Variants in PHKA1 observed in about 807,000 individuals in gnomAD.
PHKA1 encodes the protein phosphorylase kinase regulatory subunit alpha 1.
PHKA1 carries 60 observed loss-of-function variants against 110.2 expected under a neutral mutation model. That is an observed-to-expected ratio of 0.54 (90% confidence interval 0.44 to 0.68). The LOEUF (loss-of-function observed/expected upper bound fraction) is 0.68. PHKA1 is among the 30% of genes least tolerant of loss of function. The pLI, the probability that PHKA1 is intolerant of heterozygous loss-of-function variation, is 0.00. For synonymous variants in PHKA1, 316 were observed against 333.6 expected (o/e 0.95, Z 0.58); for missense variants, 801 against 942.5 (o/e 0.85, Z 1.97).
chrX:72,635,335 ACT>A (rs1556291032), intron 15 of PHKA1, 36 bp from the exon 16 acceptor site: 7 of 1,134,610 alleles, frequency 6.2e-6, no homozygotes, highest in Admixed American at 4.4e-5. Flanking sequence ...AGATTAATTT[ACT>A]CTCACAATTA....
At chrX:72,610,686 A>G (rs1556258967) in intron 22 of PHKA1, among the ~76,000 whole-genome samples, 1 of 111,341 alleles carries the variant, frequency 9.0e-6, no homozygotes, top group East Asian at 2.8e-4. Context: ...TAGTTTTTTG[A>G]TGAACCTCCA....
chrX:72,688,946 T>A (rs1464965972), intron 4 of PHKA1: 1 of 111,955 alleles, frequency 8.9e-6, no homozygotes, highest in Admixed American at 9.5e-5. Context: ...GGAGGACCTC[T>A]GGATCCTGTG....
intron 29 of PHKA1, among the ~76,000 whole-genome samples, chrX:72,586,262 T>A (rs1556212982): frequency 8.9e-6 from 1 of 112,189 alleles, no homozygotes; most frequent in Non-Finnish European, 1.9e-5. Flanking sequence ...TTCTGCAGCC[T>A]CTGCTGGTGA....
At chrX:72,644,675 A>G (rs1158793244) in intron 13 of PHKA1, among the ~76,000 whole-genome samples, 179 bp from the exon 14 acceptor site, 3 of 112,395 alleles carry the variant, frequency 2.7e-5, no homozygotes, top group African/African-American at 9.7e-5. Flanking sequence ...TAAAAGGAAA[A>G]GGAAAATGAA....
intron 23 of PHKA1, among the ~76,000 whole-genome samples, chrX:72,606,018 G>A (rs1603254296): frequency 9.0e-6 from 1 of 111,677 alleles, no homozygotes; most frequent in East Asian, 2.8e-4. Context: ...ATATTTACAG[G>A]GTACATGTGA....
At chrX:72,629,023 T>C (rs1020265345) in intron 16 of PHKA1, among the ~76,000 whole-genome samples, 2 of 112,082 alleles carry the variant, frequency 1.8e-5, no homozygotes, top group South Asian at 7.4e-4. Flanking sequence ...TTAAATTTTG[T>C]CTCTATTTGA....
In PHKA1 at chrX:72,581,045, T is replaced by C; in HGVS notation, c.3629A>G (p.Tyr1210Cys). 1.7e-6 allele frequency: 2 copies of C among 1,211,233 alleles called. No individual in the cohort carries two copies. The highest frequency in any genetic ancestry group is 2.2e-6 in the Non-Finnish European group (2 of 895,059). ...GCTGTGGGGCAGGAACTCCTGCACG[T>C]AGGTGGCGGCTGCCTTGGAGAGGTA... ...MTYLSKAAAT[Y>C]VQEFLPHSIC... Residue 1210 changes from tyrosine (Y) to cysteine (C), a missense_variant, in exon 32 of 32, where the codon TAC (tyrosine) becomes TGC (cysteine). By Grantham distance (194) the Tyr-to-Cys change is radical. Transcript: ENST00000373542.
intron 14 of PHKA1, among the ~76,000 whole-genome samples, chrX:72,639,317 C>G (rs1556293750): frequency 9.0e-6 from 1 of 111,412 alleles, no homozygotes; most frequent in African/African-American, 3.3e-5. Context: ...GTGGGCAGAT[C>G]ACAAGGTCAG....
intron 4 of PHKA1, among the ~76,000 whole-genome samples, chrX:72,690,606 C>T (rs1373171073): frequency 8.9e-6 from 1 of 111,793 alleles, no homozygotes; most frequent in Non-Finnish European, 1.9e-5. Context: ...CAGCCTTGCT[C>T]TTGGACTTCC....
intron 17 of PHKA1, among the ~76,000 whole-genome samples, chrX:72,625,728 C>G (rs1556282346): frequency 8.9e-6 from 1 of 111,936 alleles, no homozygotes; most frequent in Non-Finnish European, 1.9e-5. Flanking sequence ...TGCAGTGGCA[C>G]AATCCTGGCT....
In PHKA1 at chrX:72,626,962, G is replaced by A; in HGVS notation, c.1793+9C>T. On this transcript the variant is annotated intron_variant, in intron 17 of 31. Transcript: ENST00000373542. ...TCATTTCACTAAAGAGTGTATAGAG[G>A]TCACTTACCTTGCCCCACCAAAATA... is the stretch of plus-strand genomic sequence containing the variant. 4.2e-6 allele frequency: 5 copies of A among 1,178,808 alleles called. No homozygotes were observed. Among genetic ancestry groups the A allele is most frequent in the Non-Finnish European group, 4.6e-6 (4 of 865,676 alleles).
intron 16 of PHKA1, among the ~76,000 whole-genome samples, 192 bp downstream of exon 16, chrX:72,634,963 A>G (rs978592005): frequency 2.7e-5 from 3 of 112,354 alleles, no homozygotes; most frequent in South Asian, 3.7e-4. Context: ...GAGAACGGAA[A>G]CCTCATCTGC....
chrX:72,627,191 T>C (rs2053087998), intron 16 of PHKA1, 142 bp from the exon 17 acceptor site: 1 of 505,866 alleles, frequency 2.0e-6, no homozygotes, highest in Admixed American at 2.7e-5. Flanking sequence ...ATTTTAACAA[T>C]TCATCTGAGA....
At chrX:72,605,055 G>T (rs2052708742) in intron 25 of PHKA1, among the ~76,000 whole-genome samples, 1 of 111,815 alleles carries the variant, frequency 8.9e-6, no homozygotes, top group Non-Finnish European at 1.9e-5. Flanking sequence ...GAGCCCACAG[G>T]AGATGGCATT....
At chrX:72,606,703 TTG>T (rs1446548887) in intron 23 of PHKA1, among the ~76,000 whole-genome samples, 1 of 111,396 alleles carries the variant, frequency 9.0e-6, no homozygotes, top group African/African-American at 3.3e-5. Context: ...CATTTATCTT[TTG>T]TGTTACAAAC....
intron 6 of PHKA1, among the ~76,000 whole-genome samples, chrX:72,670,523 C>G: frequency 8.9e-6 from 1 of 111,939 alleles, no homozygotes; most frequent in Non-Finnish European, 1.9e-5. Context: ...GGAGCTGGTA[C>G]CATTCCTTCT....
At chrX:72,713,123 A>G (rs1334222000) in intron 1 of PHKA1, among the ~76,000 whole-genome samples, 186 bp from the exon 2 acceptor site, 3 of 112,053 alleles carry the variant, frequency 2.7e-5, no homozygotes, top group Non-Finnish European at 5.6e-5. Flanking sequence ...CCCAAGCTTT[A>G]CTGAGCTATA....
At chrX:72,593,344 T>TTC in intron 28 of PHKA1, 70 bp from the exon 29 acceptor site, 1 of 888,349 alleles carries the variant, frequency 1.1e-6, no homozygotes, top group East Asian at 3.3e-5. Flanking sequence ...CTTTGAACTT[T>TTC]TTTTTTTTTT....
Position 72,653,107 on chromosome X carries a change from CG to C in PHKA1, c.1137+327del, listed in dbSNP as rs782236755. Among the ~76,000 whole-genome samples, 349 of 111,149 alleles carry C rather than the reference CG, an allele frequency of 3.1e-3. 2 individuals carry two copies. The highest frequency in any genetic ancestry group is 5.5e-3 in the Non-Finnish European group (292 of 52,976). On this transcript the variant is annotated intron_variant, in intron 11 of 31. Transcript: ENST00000373542. ...CCAAGACTGATCTATTAAAACAATC[CG>C]GGATTACTGGCCTAAAAATAGAGAA...
Sources: gnomAD v4.1 joint callset for allele counts (sites outside exome capture counted in the v4.1 genomes callset) on GRCh38, gnomAD v4.1.1 for gene constraint, MANE v1.5 for transcripts, NCBI Gene and HGNC (gene_info 2026-07-23, HGNC 2026-07-21) for gene names.